CLN6: variants seen among roughly 807,000 people sequenced by gnomAD.
CLN6 encodes CLN6 transmembrane ER protein.
In CLN6, 22 loss-of-function variants were observed where a neutral mutation model predicts 33.3. The observed-to-expected ratio is 0.66, with a 90% CI of 0.47 to 0.94. CLN6 has a LOEUF of 0.94. CLN6 is among the 40% of genes least tolerant of loss of function. The probability of loss-of-function intolerance (pLI) is 0.00; values close to 1 mark genes in which losing one functional copy is unlikely to be tolerated. For missense variants in CLN6, 387 were observed against 417.1 expected (o/e 0.93, Z 0.63); for synonymous variants, 201 against 174.6 (o/e 1.15, Z -1.19).
chr15:68,251,697 G>A (rs1892380728), intron 1 of CLN6, among the ~76,000 whole-genome samples: 1 of 123,352 alleles, frequency 8.1e-6, no homozygotes, highest in African/African-American at 3.2e-5. Context: ...CAAACAAACA[G>A]AATAAGGCAA....
At chr15:68,255,209 G>A (rs1892421103) in intron 1 of CLN6, among the ~76,000 whole-genome samples, 1 of 152,162 alleles carries the variant, frequency 6.6e-6, no homozygotes, top group Non-Finnish European at 1.5e-5. Flanking sequence ...CAAAAGCCTC[G>A]TGGGACGGAA....
At chr15:68,249,365 C>T (rs892867832) in intron 1 of CLN6, among the ~76,000 whole-genome samples, 2 of 152,170 alleles carry the variant, frequency 1.3e-5, no homozygotes, top group Non-Finnish European at 1.5e-5. Flanking sequence ...AAGAGAAATT[C>T]GCATTCCCAT....
rs542178291 is a variant in CLN6 at position 68,240,455 on chromosome 15, T to A, written c.179+16235A>T. Among the ~76,000 whole-genome samples the A allele has an allele frequency of 6.6e-5, 10 of 150,714 alleles. No individual in the cohort carries two copies. In the South Asian group the frequency reaches 2.1e-3, roughly 32 times the overall value. On this transcript the variant is annotated intron_variant, in intron 1 of 6. Transcript: ENST00000538696. ...TCTACTAAAAATACAAAAAAAATTA[T>A]CTGGGCATGGTGGCACATGCTTGTA...
chr15:68,223,093 CT>C (rs2093242426), intron 1 of CLN6, among the ~76,000 whole-genome samples: 1 of 151,812 alleles, frequency 6.6e-6, no homozygotes, highest in African/African-American at 2.4e-5. Context: ...CCACATCCCC[CT>C]CTCTGAGAAA....
intron 1 of CLN6, among the ~76,000 whole-genome samples, chr15:68,243,859 C>A (rs1198455816): frequency 3.3e-5 from 5 of 151,054 alleles, no homozygotes; most frequent in Non-Finnish European, 7.4e-5. Context: ...GTCAGGAGAT[C>A]GAGACCATCC....
rs1190235370 is a variant in CLN6 at position 68,227,981 on chromosome 15, T to A, written c.83+1521A>T. Among the ~76,000 whole-genome samples, 1 of 152,012 alleles carries A rather than the reference T, an allele frequency of 6.6e-6. No homozygotes were observed. Among genetic ancestry groups the A allele is most frequent in the Non-Finnish European group, 1.5e-5 (1 of 67,978 alleles). On this transcript the variant is annotated intron_variant, in intron 1 of 6. Transcript: ENST00000249806. The surrounding 1 kb of genome is among the most constrained non-coding windows in gnomAD (Gnocchi z 4.1). ...TGCCTGGAAGAGGGGAGCTGGTAAA[T>A]GGGTTGGGTCACAGCAGAGATGAAA...
At position 68,229,522 on chromosome 15, in the gene CLN6, G is replaced by A. The variant is rs796052348; in HGVS notation, c.63C>T (p.Gly21=). The change falls in exon 1 of 7, where the codon GGC becomes GGT. Residue 21 remains glycine, a synonymous_variant. Transcript: ENST00000249806. ...CCCACCTGGCCTGCAGGAAGGAGGC[G>A]CCCAGCTGCGCGCCTGGGCCGCCCG... ...GATGGPGAQL[G]ASFLQARHGS... 8 of 1,466,558 alleles carry A rather than the reference G, an allele frequency of 5.5e-6. No homozygotes were observed. The highest frequency in any genetic ancestry group is 1.5e-5 in the African/African-American group (1 of 67,870). The allele number at this position is 1,466,558 out of a possible 1,614,324, so 90.8% of individuals were successfully genotyped here.
intron 1 of CLN6, among the ~76,000 whole-genome samples, chr15:68,244,879 C>T (rs540650485): frequency 4.6e-5 from 7 of 151,924 alleles, no homozygotes; most frequent in Admixed American, 2.0e-4. Flanking sequence ...CATGGTGAAA[C>T]GCTGTCTCTA....
intron 3 of CLN6, 88 bp downstream of exon 3, chr15:68,214,202 A>G: frequency 9.8e-7 from 1 of 1,024,802 alleles, no homozygotes; most frequent in South Asian, 1.3e-5. Context: ...AGCGTGCTTG[A>G]GTCAGGACAC....
chr15:68,253,020 G>A (rs1375987690), intron 1 of CLN6, among the ~76,000 whole-genome samples: 1 of 152,194 alleles, frequency 6.6e-6, no homozygotes, highest in African/African-American at 2.4e-5. Context: ...GAGTTTCTAA[G>A]TCTTCATTTC....
At chr15:68,249,552 T>G (rs1858790039) in intron 1 of CLN6, among the ~76,000 whole-genome samples, 1 of 152,176 alleles carries the variant, frequency 6.6e-6, no homozygotes, top group South Asian at 2.1e-4. Flanking sequence ...ATCATTATGT[T>G]GAATGAAGCC....
In CLN6 at chr15:68,210,381, A is replaced by C. The variant is rs1443770588; in HGVS notation, c.543-622T>G. ...TTCCTAGCCCCTCCACCCTTCCCCAACCTTCTGTGGGAAGAGGCTCTGGCA... is the reference window on the plus strand; with the variant it reads ...TTCCTAGCCCCTCCACCCTTCCCCACCCTTCTGTGGGAAGAGGCTCTGGCA... On this transcript the variant is annotated intron_variant, in intron 5 of 6. Transcript: ENST00000249806. The surrounding 1 kb of genome is among the most constrained non-coding windows in gnomAD (Gnocchi z 5.6). Among the ~76,000 whole-genome samples the C allele has an allele frequency of 1.3e-5, 2 of 151,786 alleles. No homozygotes were observed. The highest frequency in any genetic ancestry group is 1.9e-4 in the East Asian group (1 of 5,158).
chr15:68,211,453 G>A lies in CLN6; in HGVS notation c.487-135C>T, dbSNP rs1454390710. 6.6e-7 allele frequency: 1 copy of A among 1,524,294 alleles called. No homozygotes were observed. The highest frequency in any genetic ancestry group is 1.4e-5 in the African/African-American group (1 of 72,976). 94.4% of individuals were successfully genotyped at this position (1,524,294 alleles called of 1,614,324 possible). The stretch of plus-strand genomic sequence containing the variant: ...CCCCACTGCCTTATTCCCTACCCGG[G>A]GCCTCGCCTTCTGTTACAGGGGCCC... On this transcript the variant is annotated intron_variant, in intron 4 of 6. Transcript: ENST00000249806. This position sits in a 1 kb window ranked among gnomAD's most constrained non-coding sequence, Gnocchi z 5.9.
chr15:68,207,781 G>A lies in CLN6; in HGVS notation c.*359C>T, dbSNP rs906221697. The A allele has an allele frequency of 1.7e-5, 6 of 361,468 alleles. No individual in the cohort carries two copies. The highest frequency in any genetic ancestry group is 4.0e-5 in the Admixed American group (1 of 24,724). The allele number at this position is 361,468 out of a possible 1,614,324, so 22.4% of individuals were successfully genotyped here. On this transcript the variant is annotated 3_prime_UTR_variant, in exon 7 of 7. Transcript: ENST00000249806. ...TGCCCCACCCAGCCCTCTCCTGCAC[G>A]GCTACCAGAAGATGTCCGGGAAGAA...
chr15:68,238,598 C>G (rs559494989), intron 1 of CLN6, among the ~76,000 whole-genome samples: 2 of 151,886 alleles, frequency 1.3e-5, no homozygotes, highest in East Asian at 3.9e-4. Context: ...GAAAGTTAAC[C>G]CAGAATTGTG....
At position 68,211,197 on chromosome 15, in the gene CLN6, T is replaced by C; in HGVS notation, c.542+66A>G. On this transcript the variant is annotated intron_variant, in intron 5 of 6. Transcript: ENST00000249806. The surrounding 1 kb of genome is among the most constrained non-coding windows in gnomAD (Gnocchi z 5.9). ...CAGACAGCCTTGCTCAGTGTGTCCC[T>C]GAGCCAGTGACAGGGCTAGCCGGTA... 1 of 1,385,284 alleles carries C rather than the reference T, an allele frequency of 7.2e-7. No individual in the cohort carries two copies. The highest frequency in any genetic ancestry group is 1.2e-5 in the South Asian group (1 of 86,702). 85.8% of individuals were successfully genotyped at this position (1,385,284 alleles called of 1,614,324 possible).
rs2093205405 is a variant in CLN6 at position 68,211,627 on chromosome 15, A to G, written c.486+48T>C. On this transcript the variant is annotated intron_variant, in intron 4 of 6. Transcript: ENST00000249806. This position sits in a 1 kb window ranked among gnomAD's most constrained non-coding sequence, Gnocchi z 5.9. ...GGCCATTTCTTCAGCCTCCCAGGAC[A>G]GACTGTGCTCCTAGGGCTTACAGGC... is the stretch of plus-strand genomic sequence containing the variant. 2.5e-6 allele frequency: 4 copies of G among 1,610,172 alleles called. No homozygotes were observed. Among genetic ancestry groups the G allele is most frequent in the Non-Finnish European group, 3.4e-6 (4 of 1,179,966 alleles).
chr15:68,208,105 C>A lies in CLN6; in HGVS notation c.*35G>T. On this transcript the variant is annotated 3_prime_UTR_variant, in exon 7 of 7. Coordinates refer to ENST00000249806, the MANE Select transcript of CLN6 (RefSeq NM_017882.3). The surrounding 1 kb of genome is among the most constrained non-coding windows in gnomAD (Gnocchi z 5.8). ...AGATGCCCTCCATGGCCCACCCTCC[C>A]ACCCAGCAGAGCGCCAGAGCCTGGT... 3 of 1,566,360 alleles carry A rather than the reference C, an allele frequency of 1.9e-6. No individual in the cohort carries two copies. Among genetic ancestry groups the A allele is most frequent in the East Asian group, 2.3e-5 (1 of 42,788 alleles).
intron 1 of CLN6, among the ~76,000 whole-genome samples, chr15:68,238,907 T>C (rs1892253549): frequency 6.6e-6 from 1 of 152,184 alleles, no homozygotes; most frequent in African/African-American, 2.4e-5. Flanking sequence ...TGGTGTATAA[T>C]TTGTGGGGTT....
Sources: gnomAD v4.1 joint callset for allele counts (sites outside exome capture counted in the v4.1 genomes callset) on GRCh38, gnomAD v4.1.1 for gene constraint, Gnocchi (gnomAD v3.1) non-coding constraint, MANE v1.5 for transcripts, NCBI Gene and HGNC (gene_info 2026-07-23, HGNC 2026-07-21) for gene names.